The following PSD3 variants were observed in gnomAD, a reference collection of about 807,000 sequenced individuals.
PSD3 encodes PH and SEC7 domain-containing protein 3.
PSD3 carries 49 observed loss-of-function variants against 105.5 expected under a neutral mutation model. That is an observed-to-expected ratio of 0.46 (90% CI 0.37 to 0.59). The LOEUF is 0.59. Ranked by LOEUF, PSD3 falls within the 20% of genes least tolerant of loss-of-function variation. PSD3 has a pLI of 0.00. For synonymous variants in PSD3, 557 were observed against 457.8 expected, an observed-to-expected ratio of 1.22 and a Z score of -2.77; for missense variants, 1,561 against 1,263.8, an observed-to-expected ratio of 1.24 and a Z score of -3.57.
chr8:18,855,027 C>T (rs1815895128), intron 4 of PSD3, among the ~76,000 whole-genome samples: 2 of 152,222 alleles, frequency 1.3e-5, no homozygotes, highest in South Asian at 2.1e-4. Context: ...AAGCCGTGGC[C>T]GCCAGACCTA....
Position 18,551,389 on chromosome 8 carries a change from C to T in PSD3, c.2928+4820G>A, listed in dbSNP as rs142267794. Among the ~76,000 whole-genome samples, 394 of 152,198 alleles carry T rather than the reference C, an allele frequency of 2.6e-3. 3 individuals are homozygous for T. Among genetic ancestry groups the T allele is most frequent in the Non-Finnish European group, 3.8e-3 (259 of 68,004 alleles). ...CCAGATATGAATGGTTATGGGCTTC[C>T]CTAATGACTTTGAATAGAATGTATT... On this transcript the variant is annotated intron_variant, in intron 15 of 15. Transcript: ENST00000327040.
At chr8:18,987,666 A>C (rs1319797168) in intron 1 of PSD3, among the ~76,000 whole-genome samples, 2 of 152,108 alleles carry the variant, frequency 1.3e-5, no homozygotes, top group Non-Finnish European at 2.9e-5. Context: ...GATAATTTTT[A>C]AAAGTCAGCC....
intron 10 of PSD3, among the ~76,000 whole-genome samples, chr8:18,652,500 T>G (rs1350711893): frequency 2.1e-5 from 3 of 143,548 alleles, no homozygotes; most frequent in African/African-American, 7.8e-5. Flanking sequence ...TTAGTTTTTT[T>G]TTTTTTTTTT....
chr8:18,702,684 T>A (rs1801658254), intron 9 of PSD3, among the ~76,000 whole-genome samples: 2 of 150,882 alleles, frequency 1.3e-5, no homozygotes, highest in African/African-American at 4.9e-5. Flanking sequence ...GTGATCTCGG[T>A]TCCCTGCAAG....
rs1815206731 is a variant in PSD3, at chr8:18,847,667, A to G, written c.1634+20007T>C. 2.0e-5 allele frequency among the ~76,000 whole-genome samples: 3 copies of G among 152,226 alleles called. No individual in the cohort carries two copies. The South Asian group carries it at 6.2e-4, about 31-fold the overall frequency. ...TTAACCAAATCTAATTTTTCAGATA[A>G]GTAAAAGAAAGCTTCAGAGAGAGAT... On this transcript the variant is annotated intron_variant, in intron 4 of 15. Transcript: ENST00000327040.
chr8:18,693,622 C>T (rs1203225543), intron 9 of PSD3, among the ~76,000 whole-genome samples: 5 of 152,176 alleles, frequency 3.3e-5, no homozygotes, highest in East Asian at 1.9e-4. Flanking sequence ...AAAAAAGTGG[C>T]GTAAAGACTC....
Position 18,788,414 on chromosome 8 carries a change from C to T in PSD3, c.2082+10881G>A, listed in dbSNP as rs575194099. ...GCGGGTGACCAAATCTTTGAGCGTG[C>T]CATCCCTGGCAATCTGGGGAATGTA... On this transcript the variant is annotated intron_variant, in intron 8 of 15. Transcript: ENST00000327040. Among the ~76,000 whole-genome samples the T allele has an allele frequency of 2.0e-5, 3 of 152,276 alleles. No individual in the cohort carries two copies. The East Asian group carries it at 5.8e-4, about 29-fold the overall frequency.
intron 1 of PSD3, among the ~76,000 whole-genome samples, chr8:19,067,301 C>A (rs1829106154): frequency 6.6e-6 from 1 of 152,180 alleles, no homozygotes; most frequent in African/African-American, 2.4e-5. Flanking sequence ...TCATATCTAT[C>A]ATTCCAGCTC....
chr8:18,721,061 T>C (rs1802936049), intron 9 of PSD3: 1 of 152,072 alleles, frequency 6.6e-6, no homozygotes, highest in African/African-American at 2.4e-5. Flanking sequence ...AAGAAGTCTC[T>C]GCAGAAAAGC....
intron 2 of PSD3, among the ~76,000 whole-genome samples, chr8:18,873,430 A>G (rs567012238): frequency 6.6e-6 from 1 of 151,356 alleles, no homozygotes; most frequent in East Asian, 2.0e-4. Flanking sequence ...AAGTTTGTTT[A>G]TATATCTAGA....
At chr8:18,789,445 A>T (rs1459779251) in intron 8 of PSD3, among the ~76,000 whole-genome samples, 1 of 152,158 alleles carries the variant, frequency 6.6e-6, no homozygotes, top group African/African-American at 2.4e-5. Context: ...TAAATGTGTT[A>T]TTCACTTAAT....
In PSD3 at chr8:18,871,929, TCTC is replaced by T. The variant is rs1817384336; in HGVS notation, c.932_934del (p.Gly311del). 1 of 1,614,172 alleles carries T rather than the reference TCTC, an allele frequency of 6.2e-7. No individual in the cohort carries two copies. ...TATAGGATGCTGGGTCTCTCTCTTG[TCTC>T]CTCCTGTCCACAGTATTTCCACTCC... On this transcript the variant is annotated inframe_deletion, in exon 3 of 16. Transcript: ENST00000327040.
chr8:18,723,147 C>T lies in PSD3; in HGVS notation c.2172+42302G>A, dbSNP rs375080261. ...CAAAACTCATGCCTCTTAAGAGTGACCCACAGTATTTCCTCCGTGGGCAGT... is the reference window on the plus strand; with the variant it reads ...CAAAACTCATGCCTCTTAAGAGTGATCCACAGTATTTCCTCCGTGGGCAGT... On this transcript the variant is annotated intron_variant, in intron 9 of 15. Transcript: ENST00000327040. Among the ~76,000 whole-genome samples the T allele has an allele frequency of 3.9e-5, 6 of 152,248 alleles. No individual in the cohort carries two copies. In the East Asian group the frequency reaches 7.7e-4, roughly 20 times the overall value.
At chr8:18,734,781 C>G (rs1473089255) in intron 9 of PSD3, among the ~76,000 whole-genome samples, 1 of 152,078 alleles carries the variant, frequency 6.6e-6, no homozygotes, top group Admixed American at 6.6e-5. Context: ...TAAAAGTCAA[C>G]AAAAAGAAGG....
intron 2 of PSD3, among the ~76,000 whole-genome samples, chr8:18,935,172 T>C (rs1458773791): frequency 6.6e-6 from 1 of 152,238 alleles, no homozygotes; most frequent in Non-Finnish European, 1.5e-5. Flanking sequence ...TAATTAGCAC[T>C]AGTAATAGTT....
At chr8:18,600,491 A>C in intron 11 of PSD3, 57 bp from the exon 12 acceptor site, 2 of 1,318,824 alleles carry the variant, frequency 1.5e-6, no homozygotes. Context: ...TAGAAAGAGA[A>C]TCTAAATGAT....
At chr8:18,655,119 C>T (rs901680845) in intron 10 of PSD3, among the ~76,000 whole-genome samples, 7 of 151,332 alleles carry the variant, frequency 4.6e-5, no homozygotes, top group African/African-American at 9.7e-5. Flanking sequence ...GTCAGGAGAT[C>T]GAGACCATCC....
At chr8:18,739,042 C>T (rs925525691) in intron 9 of PSD3, among the ~76,000 whole-genome samples, 3 of 152,086 alleles carry the variant, frequency 2.0e-5, no homozygotes, top group Non-Finnish European at 2.9e-5. Flanking sequence ...AGGCGGATTT[C>T]GCCTAGTGAT....
chr8:18,737,298 C>G (rs985701581), intron 9 of PSD3, among the ~76,000 whole-genome samples: 1 of 151,944 alleles, frequency 6.6e-6, no homozygotes, highest in African/African-American at 2.4e-5. Context: ...TAATTTGAAC[C>G]CAGGTACTAT....
Sources: allele counts gnomAD v4.1 joint callset (sites outside exome capture counted in the v4.1 genomes callset), GRCh38; gene constraint gnomAD v4.1.1; transcripts MANE v1.5; gene names NCBI Gene and HGNC (gene_info 2026-07-23, HGNC 2026-07-21).